The following LRRC7 variants were observed in gnomAD, a reference collection of about 807,000 sequenced individuals.
LRRC7 encodes the protein leucine rich repeat containing 7, also known as leucine-rich repeat-containing protein 7.
Under a neutral mutation model 175.7 loss-of-function variants are expected in LRRC7, and 23 were observed. The ratio of observed to expected loss-of-function variants is 0.13; its 90% CI spans 0.09 to 0.19. The LOEUF (loss-of-function observed/expected upper bound fraction) is 0.19, where lower values mean the gene tolerates loss of function less well. LRRC7 is among the 10% of genes least tolerant of loss of function. LRRC7 has a pLI of 1.00. For missense variants in LRRC7, 1,354 were observed against 1,904.7 expected (o/e 0.71, Z 5.38); for synonymous variants, 685 against 680.9 (o/e 1.01, Z -0.09).
At chr1:69,902,663 G>T (rs1008534306) in intron 7 of LRRC7, among the ~76,000 whole-genome samples, 2 of 152,166 alleles carry the variant, frequency 1.3e-5, no homozygotes, top group African/African-American at 4.8e-5. Context: ...TAATCAACTT[G>T]TTTTGTCCAC....
chr1:69,921,142 G>A (rs897037588), intron 7 of LRRC7, among the ~76,000 whole-genome samples: 2 of 152,174 alleles, frequency 1.3e-5, no homozygotes, highest in African/African-American at 4.8e-5. Context: ...GGGGAGAAAG[G>A]AGACTGATAG....
At chr1:69,748,231 T>A (rs896734866) in intron 2 of LRRC7, among the ~76,000 whole-genome samples, 2 of 152,176 alleles carry the variant, frequency 1.3e-5, no homozygotes, top group African/African-American at 4.8e-5. Context: ...TCAGAAGTTA[T>A]CTATAGTTAT....
chr1:69,872,773 T>C (rs1685679678), intron 7 of LRRC7, among the ~76,000 whole-genome samples: 1 of 152,112 alleles, frequency 6.6e-6, no homozygotes, highest in African/African-American at 2.4e-5. Flanking sequence ...ACCCAAAACA[T>C]TATTTCAGTC....
chr1:69,700,800 T>C (rs909531942), intron 2 of LRRC7, among the ~76,000 whole-genome samples: 3 of 152,162 alleles, frequency 2.0e-5, no homozygotes, highest in African/African-American at 7.2e-5. Context: ...AAGTTTGAAA[T>C]TACTATGTCC....
In LRRC7 at chr1:69,568,779, G is replaced by C. The variant is rs998213418; in HGVS notation, c.2+138G>C. 36 of 529,582 alleles carry C rather than the reference G, an allele frequency of 6.8e-5. 1 individual carries two copies. Among genetic ancestry groups the C allele is most frequent in the African/African-American group, 2.1e-5 (1 of 47,240 alleles). The allele number at this position is 529,582 out of a possible 1,614,324, so 32.8% of individuals were successfully genotyped here. A position where few individuals can be genotyped will look rare whatever the true frequency, so the allele number is the denominator to read the frequency against. ...GGGCGGGAGGCTTCGGCGCTCGCGGGGAGCTGCTTGTGCGGTGGCCGAGGG... is the reference window on the plus strand; with the variant it reads ...GGGCGGGAGGCTTCGGCGCTCGCGGCGAGCTGCTTGTGCGGTGGCCGAGGG... On this transcript the variant is annotated intron_variant, in intron 1 of 26. Transcript: ENST00000651989.
In LRRC7 at chr1:70,132,147, C is replaced by G. The variant is rs916167725; in HGVS notation, c.*10260C>G. 2 of 152,210 alleles carry G rather than the reference C, an allele frequency of 1.3e-5. No homozygotes were observed. The highest frequency in any genetic ancestry group is 4.8e-5 in the African/African-American group (2 of 41,424). 9.4% of individuals were successfully genotyped at this position (152,210 alleles called of 1,614,324 possible). On this transcript the variant is annotated 3_prime_UTR_variant, in exon 27 of 27. Coordinates refer to ENST00000651989, the MANE Select transcript of LRRC7 (RefSeq NM_001370785.2). ...AGTCTCTTCGTTCTGGTGACCATGC[C>G]CCTTCTTCAGACAGCCCTGAATTCC...
At chr1:69,995,713 T>A (rs1334562116) in intron 11 of LRRC7, among the ~76,000 whole-genome samples, 4 of 152,174 alleles carry the variant, frequency 2.6e-5, no homozygotes, top group Non-Finnish European at 4.4e-5. Context: ...TTCATCCATC[T>A]CCCTACAAAG....
chr1:69,913,969 A>T (rs1264867993), intron 7 of LRRC7, among the ~76,000 whole-genome samples: 1 of 152,224 alleles, frequency 6.6e-6, no homozygotes. Context: ...GATAAAATTG[A>T]CAGGTCTAAA....
chr1:69,975,945 G>A (rs1192159125), intron 8 of LRRC7, among the ~76,000 whole-genome samples: 2 of 151,458 alleles, frequency 1.3e-5, no homozygotes, highest in African/African-American at 2.4e-5. Context: ...CTCTTCGCCA[G>A]TGTCTTCATG....
At chr1:69,764,762 TAGATAGATAGATAGATAGAC>T (rs1449171178) in intron 3 of LRRC7, among the ~76,000 whole-genome samples, 11 of 149,114 alleles carry the variant, frequency 7.4e-5, no homozygotes, top group East Asian at 4.0e-4. Flanking sequence ...GATAGATAGA[TAGATAGATAGATAGATAGAC>T]AGACAGACAG....
intron 23 of LRRC7, among the ~76,000 whole-genome samples, chr1:70,074,947 G>A (rs937673721): frequency 2.6e-5 from 4 of 151,900 alleles, no homozygotes. Context: ...CGTTTTCATA[G>A]TAATCAAAAA....
At chr1:70,016,957 A>G (rs936981232) in intron 14 of LRRC7, among the ~76,000 whole-genome samples, 2 of 152,176 alleles carry the variant, frequency 1.3e-5, no homozygotes, top group Non-Finnish European at 2.9e-5. Flanking sequence ...ATTATAATCA[A>G]CTTAATTCAA....
chr1:69,934,821 C>G (rs962746479), intron 8 of LRRC7, among the ~76,000 whole-genome samples: 2 of 152,100 alleles, frequency 1.3e-5, no homozygotes, highest in African/African-American at 4.8e-5. Flanking sequence ...CCAACCCTCC[C>G]CCTAGTCTAG....
chr1:69,957,856 C>T (rs1227468028), intron 8 of LRRC7, among the ~76,000 whole-genome samples: 1 of 151,856 alleles, frequency 6.6e-6, no homozygotes, highest in African/African-American at 2.4e-5. Context: ...TATTTGTTTT[C>T]CACTCAGTGA....
intron 21 of LRRC7, among the ~76,000 whole-genome samples, chr1:70,040,851 T>C (rs1178589815): frequency 6.6e-6 from 1 of 152,028 alleles, no homozygotes. Flanking sequence ...CAATAAAGCA[T>C]GTAATATGCA....
chr1:69,630,742 G>A (rs1240737016), intron 1 of LRRC7, among the ~76,000 whole-genome samples: 1 of 151,592 alleles, frequency 6.6e-6, no homozygotes, highest in East Asian at 1.9e-4. Flanking sequence ...AGCCATTTGT[G>A]AATAAATATT....
chr1:69,712,431 C>G (rs927700839), intron 2 of LRRC7, among the ~76,000 whole-genome samples: 10 of 152,124 alleles, frequency 6.6e-5, no homozygotes, highest in African/African-American at 2.4e-4. Context: ...TGGCGAAACC[C>G]TATCTCTACT....
intron 8 of LRRC7, among the ~76,000 whole-genome samples, chr1:69,968,770 G>T (rs541386386): frequency 1.3e-5 from 2 of 151,972 alleles, no homozygotes; most frequent in Non-Finnish European, 2.9e-5. Flanking sequence ...TAAAACAACC[G>T]CTGAAAGGAG....
At chr1:69,939,449 A>C (rs1187274240) in intron 8 of LRRC7, among the ~76,000 whole-genome samples, 1 of 151,968 alleles carries the variant, frequency 6.6e-6, no homozygotes, top group Non-Finnish European at 1.5e-5. Context: ...GTGCAAAGAG[A>C]AGCCAAACGT....
Sources: allele counts gnomAD v4.1 joint callset (sites outside exome capture counted in the v4.1 genomes callset), GRCh38; gene constraint gnomAD v4.1.1; transcripts MANE v1.5; gene names NCBI Gene and HGNC (gene_info 2026-07-23, HGNC 2026-07-21).